Variants in GRIA1 observed in about 807,000 individuals in gnomAD.
GRIA1 encodes the protein glutamate receptor 1.
Under a neutral mutation model 99.2 loss-of-function variants are expected in GRIA1, and 31 were observed. The observed-to-expected ratio is 0.31, with a 90% CI of 0.23 to 0.42. The LOEUF is 0.42. Ranked by LOEUF, GRIA1 falls within the 10% of genes least tolerant of loss-of-function variation. The pLI is 1.00. For synonymous variants in GRIA1, 438 were observed against 432.4 expected, an observed-to-expected ratio of 1.01 and a Z score of -0.16; for missense variants, 782 against 1,157.5, an observed-to-expected ratio of 0.68 and a Z score of 4.71.
At chr5:153,524,233 A>G (rs1017305780) in intron 2 of GRIA1, among the ~76,000 whole-genome samples, 2 of 152,194 alleles carry the variant, frequency 1.3e-5, no homozygotes, top group Admixed American at 1.3e-4. Flanking sequence ...AGGCTGAGGC[A>G]GGAGAATTGC....
intron 12 of GRIA1, among the ~76,000 whole-genome samples, chr5:153,765,370 C>A (rs527686830): frequency 6.6e-6 from 1 of 152,186 alleles, no homozygotes; most frequent in South Asian, 2.1e-4. Flanking sequence ...GATAGGGTAT[C>A]TAAAATTAGA....
intron 11 of GRIA1, among the ~76,000 whole-genome samples, chr5:153,762,641 C>T (rs1400139975): frequency 6.6e-6 from 1 of 152,152 alleles, no homozygotes; most frequent in African/African-American, 2.4e-5. Context: ...AGCAACTGGT[C>T]CCTAACCCCA....
intron 2 of GRIA1, among the ~76,000 whole-genome samples, chr5:153,567,835 A>G (rs1007076476): frequency 6.6e-6 from 1 of 152,156 alleles, no homozygotes; most frequent in African/African-American, 2.4e-5. Context: ...AAAGAATAGT[A>G]GGAGATAAAA....
intron 2 of GRIA1, among the ~76,000 whole-genome samples, chr5:153,570,617 G>A (rs1762030061): frequency 6.6e-6 from 1 of 152,128 alleles, no homozygotes; most frequent in Admixed American, 6.5e-5. Flanking sequence ...ATAATGGTAA[G>A]CAGATAAATT....
At chr5:153,756,297 C>A (rs949815616) in intron 11 of GRIA1, among the ~76,000 whole-genome samples, 1 of 151,876 alleles carries the variant, frequency 6.6e-6, no homozygotes, top group Admixed American at 6.6e-5. Flanking sequence ...AACTCCCCCA[C>A]CCATGCAGGA....
chr5:153,526,182 G>A (rs1354509855), intron 2 of GRIA1, among the ~76,000 whole-genome samples: 1 of 152,126 alleles, frequency 6.6e-6, no homozygotes, highest in Non-Finnish European at 1.5e-5. Flanking sequence ...GGATCTATAA[G>A]ATGGCTCCTA....
chr5:153,680,227 C>A (rs570523412), intron 7 of GRIA1, among the ~76,000 whole-genome samples: 1 of 152,102 alleles, frequency 6.6e-6, no homozygotes, highest in African/African-American at 2.4e-5. Context: ...CTGTGCACCC[C>A]CTCCCCCTTC....
chr5:153,650,914 A>AT (rs1561729961), intron 4 of GRIA1, among the ~76,000 whole-genome samples: 14 of 149,100 alleles, frequency 9.4e-5, no homozygotes, highest in African/African-American at 3.5e-4. Flanking sequence ...AAAAAAAAAA[A>AT]AAAAAAATTA....
intron 2 of GRIA1, among the ~76,000 whole-genome samples, chr5:153,603,196 G>T (rs1223559324): frequency 6.6e-6 from 1 of 151,982 alleles, no homozygotes; most frequent in Non-Finnish European, 1.5e-5. Flanking sequence ...CTTTGTGATA[G>T]TTTACTGAGA....
At chr5:153,654,705 C>T (rs796775511) in intron 4 of GRIA1, among the ~76,000 whole-genome samples, 10 of 152,168 alleles carry the variant, frequency 6.6e-5, no homozygotes, top group African/African-American at 2.4e-4. Context: ...TTTTAATAAC[C>T]TTGAAAATTT....
At chr5:153,698,379 CT>C (rs1448097708) in intron 9 of GRIA1, among the ~76,000 whole-genome samples, 1 of 152,214 alleles carries the variant, frequency 6.6e-6, no homozygotes. Context: ...AACTTACTTA[CT>C]TTCTCTTGAG....
intron 2 of GRIA1, among the ~76,000 whole-genome samples, chr5:153,575,191 G>C (rs1762423400): frequency 1.2e-5 from 1 of 80,276 alleles, no homozygotes; most frequent in Non-Finnish European, 2.4e-5. Flanking sequence ...TGGAAATCAA[G>C]AGAGAAAGAG....
intron 2 of GRIA1, among the ~76,000 whole-genome samples, chr5:153,640,973 G>A (rs945831968): frequency 6.6e-6 from 1 of 152,020 alleles, no homozygotes; most frequent in Non-Finnish European, 1.5e-5. Context: ...TTATATCTAC[G>A]ATACAAGAGA....
chr5:153,674,566 G>A lies in GRIA1; in HGVS notation c.766G>A (p.Val256Met). 4 of 1,614,074 alleles carry A rather than the reference G, an allele frequency of 2.5e-6. No homozygotes were observed. Among genetic ancestry groups the A allele is most frequent in the Non-Finnish European group, 3.4e-6 (4 of 1,179,974 alleles). ...CGCCAATGTGACAGGTTTCCAGCTG[G>A]TGAACTACACAGACACTATTCCGGC... is the stretch of plus-strand genomic sequence containing the variant. ...SGANVTGFQL[V>M]NYTDTIPAKI... The change falls in exon 6 of 16, where the codon GTG (valine) becomes ATG (methionine). Residue 256 changes from valine (V) to methionine (M), a missense_variant. Coordinates refer to ENST00000285900, the MANE Select transcript of GRIA1 (RefSeq NM_000827.4).
intron 13 of GRIA1, among the ~76,000 whole-genome samples, chr5:153,772,679 A>G (rs1464146989): frequency 6.6e-6 from 1 of 152,050 alleles, no homozygotes; most frequent in Non-Finnish European, 1.5e-5. Flanking sequence ...AATCTAAAAG[A>G]CTCTTTACAA....
At chr5:153,792,910 C>T (rs1438081351) in intron 13 of GRIA1, among the ~76,000 whole-genome samples, 15 of 152,134 alleles carry the variant, frequency 9.9e-5, no homozygotes, top group Non-Finnish European at 1.2e-4. Context: ...CATTTAAAAT[C>T]CCAATGTGGG....
At chr5:153,726,279 G>A (rs1252246619) in intron 11 of GRIA1, among the ~76,000 whole-genome samples, 1 of 147,700 alleles carries the variant, frequency 6.8e-6, no homozygotes. Context: ...ATGCCCACAA[G>A]AGAATGCAGG....
intron 15 of GRIA1, among the ~76,000 whole-genome samples, chr5:153,808,655 C>T (rs1255461699): frequency 9.9e-5 from 15 of 152,168 alleles, no homozygotes. Flanking sequence ...CCCAAAACTC[C>T]CTGGATGGTT....
intron 11 of GRIA1, among the ~76,000 whole-genome samples, chr5:153,725,395 G>C (rs1450913570): frequency 1.8e-4 from 27 of 148,940 alleles, no homozygotes; most frequent in East Asian, 6.2e-4. Flanking sequence ...TCACACATAA[G>C]AATATTAACT....
Sources: gnomAD v4.1 joint callset for allele counts (sites outside exome capture counted in the v4.1 genomes callset) on GRCh38, gnomAD v4.1.1 for gene constraint, MANE v1.5 for transcripts, NCBI Gene and HGNC (gene_info 2026-07-23, HGNC 2026-07-21) for gene names.